PHACTR1: variants seen among roughly 807,000 people sequenced by gnomAD.
PHACTR1 encodes phosphatase and actin regulator 1.
PHACTR1 carries 16 observed loss-of-function variants against 69.2 expected under a neutral mutation model. That is an observed-to-expected ratio of 0.23 (90% CI 0.16 to 0.35). PHACTR1 has a LOEUF of 0.35. Among genes scored for constraint, PHACTR1 ranks in the 10% least tolerant of loss-of-function variants. PHACTR1 has a pLI of 1.00. For synonymous variants in PHACTR1, 312 were observed against 284.5 expected, an observed-to-expected ratio of 1.10 and a Z score of -0.97; for missense variants, 510 against 734.7, an observed-to-expected ratio of 0.69 and a Z score of 3.54.
chr6:12,928,317 T>C (rs1358035176), intron 4 of PHACTR1, among the ~76,000 whole-genome samples: 1 of 152,178 alleles, frequency 6.6e-6, no homozygotes, highest in Non-Finnish European at 1.5e-5. Flanking sequence ...TTGGTCCTTA[T>C]GGCAGGCTGC....
chr6:13,272,743 G>A, intron 10 of PHACTR1, 117 bp from the exon 11 acceptor site: 1 of 1,611,612 alleles, frequency 6.2e-7, no homozygotes, highest in South Asian at 1.1e-5. Flanking sequence ...TCAGAGCACA[G>A]GATGGAACAA....
At chr6:13,165,249 A>G (rs1189416502) in intron 6 of PHACTR1, among the ~76,000 whole-genome samples, 1 of 152,256 alleles carries the variant, frequency 6.6e-6, no homozygotes, top group Non-Finnish European at 1.5e-5. Context: ...CACTATAAAT[A>G]GTAAAAATGT....
chr6:12,791,376 C>G (rs1772250017), intron 4 of PHACTR1, among the ~76,000 whole-genome samples: 1 of 152,098 alleles, frequency 6.6e-6, no homozygotes, highest in African/African-American at 2.4e-5. Context: ...AATAGATCAG[C>G]CCAATAGTTC....
At chr6:13,056,711 G>T (rs1314786567) in intron 5 of PHACTR1, among the ~76,000 whole-genome samples, 8 of 152,208 alleles carry the variant, frequency 5.3e-5, no homozygotes, top group African/African-American at 1.7e-4. Flanking sequence ...CCAAGGAGCA[G>T]AGTGAGGGTC....
intron 10 of PHACTR1, among the ~76,000 whole-genome samples, chr6:13,255,911 C>G (rs1775123660): frequency 1.3e-5 from 2 of 152,232 alleles, no homozygotes; most frequent in African/African-American, 4.8e-5. Context: ...GACAGTGGCC[C>G]TCTTCTTACA....
At chr6:13,063,794 T>C (rs150920348) in intron 5 of PHACTR1, among the ~76,000 whole-genome samples, 2,453 of 149,858 alleles carry the variant, frequency 0.016, 58 homozygotes, top group African/African-American at 0.054. Flanking sequence ...AAAAAAAAAA[T>C]TATGACTTGA....
chr6:12,737,366 G>T (rs906637055), intron 3 of PHACTR1, among the ~76,000 whole-genome samples: 1 of 150,908 alleles, frequency 6.6e-6, no homozygotes, highest in South Asian at 2.1e-4. Context: ...TGTGGCACAT[G>T]ATGGTATATA....
At chr6:13,090,084 C>T (rs1393259956) in intron 5 of PHACTR1, among the ~76,000 whole-genome samples, 1 of 152,042 alleles carries the variant, frequency 6.6e-6, no homozygotes, top group Non-Finnish European at 1.5e-5. Flanking sequence ...GACGGAGTTT[C>T]GCTCTTGTTG....
At chr6:13,265,685 G>A (rs141350087) in intron 10 of PHACTR1, among the ~76,000 whole-genome samples, 60 of 152,152 alleles carry the variant, frequency 3.9e-4, no homozygotes, top group African/African-American at 1.3e-3. Flanking sequence ...TGCAACCTTC[G>A]ACTCCACTTC....
chr6:12,726,928 C>G (rs1164185161), intron 3 of PHACTR1, among the ~76,000 whole-genome samples: 1 of 152,206 alleles, frequency 6.6e-6, no homozygotes, highest in African/African-American at 2.4e-5. Context: ...TTTTCCAGAC[C>G]TTTGTCTCTG....
At chr6:12,924,817 T>A (rs1788107803) in intron 4 of PHACTR1, among the ~76,000 whole-genome samples, 1 of 152,050 alleles carries the variant, frequency 6.6e-6, no homozygotes, top group Admixed American at 6.5e-5. Flanking sequence ...TAAGTAATCA[T>A]TTTTGGCAGT....
At chr6:12,814,584 C>A (rs997872458) in intron 4 of PHACTR1, among the ~76,000 whole-genome samples, 1 of 152,124 alleles carries the variant, frequency 6.6e-6, no homozygotes, top group Non-Finnish European at 1.5e-5. Context: ...GTTTCCCAAC[C>A]TGTAAAATAA....
intron 6 of PHACTR1, among the ~76,000 whole-genome samples, chr6:13,178,677 A>C (rs1188132727): frequency 1.3e-5 from 2 of 152,224 alleles, no homozygotes; most frequent in African/African-American, 2.4e-5. Flanking sequence ...TAATTCTAAT[A>C]GGAAGCAGCT....
chr6:12,786,731 A>G (rs1170809834), intron 4 of PHACTR1, among the ~76,000 whole-genome samples: 1 of 152,222 alleles, frequency 6.6e-6, no homozygotes, highest in Non-Finnish European at 1.5e-5. Flanking sequence ...GCCTTGGTAA[A>G]AGCAGTCATT....
chr6:13,055,872 A>G (rs779188980), intron 5 of PHACTR1, among the ~76,000 whole-genome samples: 2 of 152,280 alleles, frequency 1.3e-5, no homozygotes, highest in Non-Finnish European at 2.9e-5. Flanking sequence ...GAATGGAAAC[A>G]TGTGACAAGC....
At chr6:13,103,170 T>C (rs1235447796) in intron 5 of PHACTR1, among the ~76,000 whole-genome samples, 1 of 152,208 alleles carries the variant, frequency 6.6e-6, no homozygotes, top group Non-Finnish European at 1.5e-5. Context: ...CTTCGTCCTG[T>C]TGGGAAAAAA....
At chr6:12,819,084 A>T (rs764449651) in intron 4 of PHACTR1, among the ~76,000 whole-genome samples, 50 of 152,312 alleles carry the variant, frequency 3.3e-4, no homozygotes, top group Non-Finnish European at 5.1e-4. Context: ...AAAACCATGA[A>T]CACTGGGCAT....
intron 4 of PHACTR1, among the ~76,000 whole-genome samples, chr6:13,005,257 C>G (rs1798646470): frequency 6.6e-6 from 1 of 151,464 alleles, no homozygotes; most frequent in African/African-American, 2.4e-5. Flanking sequence ...TAGACTATCT[C>G]TCTATGGAGT....
chr6:12,871,875 CA>C (rs976983940), intron 4 of PHACTR1, among the ~76,000 whole-genome samples: 19 of 144,178 alleles, frequency 1.3e-4, no homozygotes, highest in Middle Eastern at 3.6e-3. Context: ...TATTGTTCTA[CA>C]AAAAAAAAAC....
Sources: allele counts gnomAD v4.1 joint callset (sites outside exome capture counted in the v4.1 genomes callset), GRCh38; gene constraint gnomAD v4.1.1; transcripts MANE v1.5; gene names NCBI Gene and HGNC (gene_info 2026-07-23, HGNC 2026-07-21).